The following BRD4 variants were observed in gnomAD, a reference collection of about 807,000 sequenced individuals.
BRD4 encodes bromodomain containing 4, also known as bromodomain-containing protein 4.
In BRD4, 16 loss-of-function variants were observed where a neutral mutation model predicts 142.1. The observed-to-expected ratio is 0.11, with a 90% CI of 0.08 to 0.17. BRD4 has a LOEUF of 0.17. BRD4 is among the 10% of genes least tolerant of loss of function. BRD4 has a pLI of 1.00. For synonymous variants in BRD4, 833 were observed against 707.5 expected (o/e 1.18, Z -2.82); for missense variants, 1,424 against 1,810.9 (o/e 0.79, Z 3.88).
rs2145575592 is a variant in BRD4 at position 15,256,984 on chromosome 19, G to A, written c.1531C>T (p.Leu511=). Reference sequence around the variant, plus strand: ...CTCACCTGCTCCTGGAGCTCAGCCAGCCGCTGGGCTCGCTCCTCCTCAGAG... The same window carrying A: ...CTCACCTGCTCCTGGAGCTCAGCCAACCGCTGGGCTCGCTCCTCCTCAGAG... The part of the protein sequence containing the change: ...DDSEEERAQR[L]AELQEQLKAV... Residue 511 remains leucine (L), a synonymous_variant, in exon 8 of 20, where the codon CTG becomes TTG. Transcript: ENST00000679869. The A allele has an allele frequency of 4.4e-6, 7 of 1,580,414 alleles. No individual in the cohort carries two copies. The highest frequency in any genetic ancestry group is 6.0e-6 in the Non-Finnish European group (7 of 1,164,010).
At chr19:15,251,073 C>T (rs1046253449) in intron 11 of BRD4, among the ~76,000 whole-genome samples, 4 of 152,156 alleles carry the variant, frequency 2.6e-5, no homozygotes, top group African/African-American at 9.7e-5. Flanking sequence ...TAGGGCTGGC[C>T]CACTGCACTG....
At chr19:15,249,042 GTCTT>G in intron 11 of BRD4, 1 of 606,124 alleles carries the variant, frequency 1.6e-6, no homozygotes, top group East Asian at 2.8e-5. Flanking sequence ...CAGCCAGGCA[GTCTT>G]TACACAGAGA....
At chr19:15,299,974 G>C (rs2047854035) in intron 1 of BRD4, among the ~76,000 whole-genome samples, 1 of 152,224 alleles carries the variant, frequency 6.6e-6, no homozygotes, top group Non-Finnish European at 1.5e-5. Flanking sequence ...GCCAGGCACA[G>C]TGATTCATGC....
chr19:15,316,155 C>CAAAAAA (rs980486654), intron 1 of BRD4, among the ~76,000 whole-genome samples: 5 of 33,056 alleles, frequency 1.5e-4, no homozygotes, highest in Non-Finnish European at 2.2e-4. Flanking sequence ...GACACCGTCT[C>CAAAAAA]AAAAAAAAAA....
intron 1 of BRD4, among the ~76,000 whole-genome samples, chr19:15,278,857 T>C (rs1485581729): frequency 3.3e-5 from 5 of 152,024 alleles, no homozygotes; most frequent in African/African-American, 4.8e-5. Context: ...CTTTTCTTTT[T>C]TGAGACGGAG....
At chr19:15,312,314 G>C (rs183902949) in intron 1 of BRD4, among the ~76,000 whole-genome samples, 55 of 151,938 alleles carry the variant, frequency 3.6e-4, no homozygotes, top group Admixed American at 3.3e-3. Context: ...CCTGGGCAAT[G>C]TGGTGAGACC....
intron 11 of BRD4, chr19:15,248,764 T>C: frequency 4.3e-6 from 1 of 232,786 alleles, no homozygotes; most frequent in East Asian, 6.3e-5. Flanking sequence ...CCACTCCTTA[T>C]CTAGGACAGC....
intron 1 of BRD4, among the ~76,000 whole-genome samples, chr19:15,285,272 T>C (rs946121337): frequency 1.3e-5 from 2 of 152,250 alleles, no homozygotes; most frequent in Non-Finnish European, 2.9e-5. Flanking sequence ...CACACTCGTA[T>C]GGAACCTGTG....
At chr19:15,258,692 C>T (rs922292167) in intron 7 of BRD4, among the ~76,000 whole-genome samples, 3 of 152,090 alleles carry the variant, frequency 2.0e-5, no homozygotes, top group Admixed American at 1.3e-4. Context: ...TCACTACAGC[C>T]TCATCCTCCT....
At chr19:15,328,673 A>G (rs570473966) in intron 1 of BRD4, among the ~76,000 whole-genome samples, 4 of 152,252 alleles carry the variant, frequency 2.6e-5, no homozygotes, top group Non-Finnish European at 4.4e-5. Flanking sequence ...CCGTTTATTC[A>G]TTGAGACTAT....
rs1333875351 is a variant in BRD4 at position 15,242,902 on chromosome 19, G to T, written c.3167C>A (p.Thr1056Asn). ...PRHHKSDPYS[T>N]GHLREAPSPL... ...GTCTACGGGTGAGGACCACTTACCG[G>T]TTGAGTAGGGGTCCGACTTGTGGTG... is the stretch of plus-strand genomic sequence containing the variant. Residue 1056 changes from threonine (T) to asparagine (N), a missense_variant and splice_region_variant, in exon 14 of 20, where the codon ACC becomes AAC. Transcript: ENST00000679869. The T allele has an allele frequency of 6.2e-7, 1 of 1,605,512 alleles. No homozygotes were observed. Among genetic ancestry groups the T allele is most frequent in the Non-Finnish European group, 8.5e-7 (1 of 1,176,874 alleles).
At chr19:15,248,666 C>T (rs1278694111) in intron 11 of BRD4, 2 of 227,302 alleles carry the variant, frequency 8.8e-6, no homozygotes, top group South Asian at 1.8e-4. Flanking sequence ...AGCGGTGGCT[C>T]GAGCCTTACA....
chr19:15,332,163 C>A (rs1415304784), intron 1 of BRD4, 127 bp downstream of exon 1: 1 of 146,252 alleles, frequency 6.8e-6, no homozygotes, highest in African/African-American at 2.5e-5. Context: ...CCCGCCCCCG[C>A]GCCGCGCGGA....
At chr19:15,301,693 C>T (rs1462315224) in intron 1 of BRD4, among the ~76,000 whole-genome samples, 3 of 151,414 alleles carry the variant, frequency 2.0e-5, no homozygotes, top group African/African-American at 7.3e-5. Flanking sequence ...AACCTCATCT[C>T]TACTAAAAAT....
At chr19:15,306,361 T>A (rs766778310) in intron 1 of BRD4, among the ~76,000 whole-genome samples, 7 of 152,088 alleles carry the variant, frequency 4.6e-5, no homozygotes, top group Admixed American at 2.0e-4. Flanking sequence ...CTCAACCTCC[T>A]AGGCTCAAGC....
At chr19:15,259,001 G>T (rs552273594) in intron 7 of BRD4, among the ~76,000 whole-genome samples, 2 of 152,322 alleles carry the variant, frequency 1.3e-5, no homozygotes, top group Non-Finnish European at 2.9e-5. Context: ...CAGGAGTGGG[G>T]CCCAGGGAGG....
At chr19:15,287,442 G>C (rs549128121) in intron 1 of BRD4, among the ~76,000 whole-genome samples, 1 of 152,230 alleles carries the variant, frequency 6.6e-6, no homozygotes, top group Admixed American at 6.5e-5. Context: ...ATGGGGTCTT[G>C]CTATGTTGCT....
chr19:15,283,769 T>A (rs2047721610), intron 1 of BRD4, among the ~76,000 whole-genome samples: 1 of 152,164 alleles, frequency 6.6e-6, no homozygotes. Context: ...GCCTCTTAAG[T>A]TTCTTCTCAA....
chr19:15,253,573 C>A (rs767878793), intron 11 of BRD4: 118 of 1,573,964 alleles, frequency 7.5e-5, no homozygotes, highest in Middle Eastern at 1.7e-4. Context: ...GCAGCCAACA[C>A]AGCAACGAGC....
Sources: allele counts gnomAD v4.1 joint callset (sites outside exome capture counted in the v4.1 genomes callset), GRCh38; gene constraint gnomAD v4.1.1; transcripts MANE v1.5; gene names NCBI Gene and HGNC (gene_info 2026-07-23, HGNC 2026-07-21).